Variants in ZNF607 observed in about 807,000 individuals in gnomAD.
ZNF607 encodes zinc finger protein 607.
In ZNF607, 5 loss-of-function variants were observed where a neutral mutation model predicts 12.8. The ratio of observed to expected loss-of-function variants is 0.39; its 90% CI spans 0.20 to 0.82. ZNF607 has a LOEUF of 0.82. Ranked by LOEUF, ZNF607 falls within the 40% of genes least tolerant of loss-of-function variation. ZNF607 has a pLI of 0.39. For missense variants in ZNF607, 851 were observed against 859.2 expected (o/e 0.99, Z 0.12); for synonymous variants, 287 against 276.2 (o/e 1.04, Z -0.39).
chr19:37,697,280 T>G lies in ZNF607; in HGVS notation c.*760A>C. Reference sequence around the variant, plus strand: ...CCACAATGTTCTGTACTCCACGGAATTGGTCAAAGATGGCAGCTCTGTGCC... The same window carrying G: ...CCACAATGTTCTGTACTCCACGGAAGTGGTCAAAGATGGCAGCTCTGTGCC... On this transcript the variant is annotated 3_prime_UTR_variant, in exon 5 of 5. Coordinates refer to ENST00000355202, the MANE Select transcript of ZNF607 (RefSeq NM_032689.5). 2.4e-6 allele frequency: 2 copies of G among 835,844 alleles called. No homozygotes were observed. The highest frequency in any genetic ancestry group is 4.2e-6 in the Non-Finnish European group (2 of 478,586). 51.8% of individuals were successfully genotyped at this position (835,844 alleles called of 1,614,324 possible). A position where few individuals can be genotyped will look rare whatever the true frequency, so the allele number is the denominator to read the frequency against.
At position 37,698,215 on chromosome 19, in the gene ZNF607, T is replaced by A; in HGVS notation, c.1916A>T (p.His639Leu). 6.2e-7 allele frequency: 1 copy of A among 1,614,182 alleles called. No individual in the cohort carries two copies. The highest frequency in any genetic ancestry group is 8.5e-7 in the Non-Finnish European group (1 of 1,180,036). The change falls in exon 5 of 5, where the codon CAT becomes CTT. Residue 639 changes from histidine (H) to leucine (L), a missense_variant. Coordinates refer to ENST00000355202, the MANE Select transcript of ZNF607 (RefSeq NM_032689.5). ...ACACATATAGGGATTTCCATCAGCA[T>A]GAACGCTTTCATGTCTAACAAGATA... ...ASYLVRHESV[H>L]ADGNPYMCEE...
At chr19:37,713,176 C>CAT (rs1216465001) in intron 1 of ZNF607, among the ~76,000 whole-genome samples, 12 of 151,898 alleles carry the variant, frequency 7.9e-5, no homozygotes, top group Admixed American at 5.3e-4. Context: ...CCCATAGACT[C>CAT]AGTGTAATTT....
chr19:37,713,222 G>T (rs79723810), intron 1 of ZNF607, among the ~76,000 whole-genome samples: 2,846 of 152,032 alleles, frequency 0.019, 46 homozygotes, highest in South Asian at 0.077. Flanking sequence ...TCAGACTGAT[G>T]TCTCTGTTAC....
chr19:37,717,982 C>G (rs554394416), intron 1 of ZNF607, among the ~76,000 whole-genome samples: 3 of 152,156 alleles, frequency 2.0e-5, no homozygotes, highest in East Asian at 3.9e-4. Context: ...ATCCCTTGGA[C>G]GCTGTATAAT....
At position 37,699,832 on chromosome 19, in the gene ZNF607, CAT is replaced by C. The variant is rs777213547; in HGVS notation, c.297_298del (p.Val101TyrfsTer8). Reference sequence around the variant, plus strand: ...ATGAATTCTCTGATGGAGAGTAACACATGAGTGTTTCCTATAAAGCTGCATTT... The same window carrying C: ...ATGAATTCTCTGATGGAGAGTAACACGAGTGTTTCCTATAAAGCTGCATTT... On this transcript the variant is annotated frameshift_variant, in exon 5 of 5. Coordinates refer to ENST00000355202, the MANE Select transcript of ZNF607 (RefSeq NM_032689.5). LOFTEE classifies it low-confidence loss of function (END_TRUNC). 1.8e-5 allele frequency: 29 copies of C among 1,612,942 alleles called. No individual in the cohort carries two copies. The highest frequency in any genetic ancestry group is 1.7e-4 in the South Asian group (15 of 90,752).
Position 37,699,651 on chromosome 19 carries a change from A to G in ZNF607, c.480T>C (p.His160=), listed in dbSNP as rs1467150858. Residue 160 remains histidine (H), a synonymous_variant, in exon 5 of 5, where the codon CAT becomes CAC. Coordinates refer to ENST00000355202, the MANE Select transcript of ZNF607 (RefSeq NM_032689.5). ...GTTTCTCACGAGCATTAATTTTCTGATGCTTTCTAAGGTCTGTAAGATGGC... is the reference window on the plus strand; with the variant it reads ...GTTTCTCACGAGCATTAATTTTCTGGTGCTTTCTAAGGTCTGTAAGATGGC... ...AFSHLTDLRK[H]QKINAREKPY... 5.0e-6 allele frequency: 8 copies of G among 1,613,900 alleles called. No homozygotes were observed. Among genetic ancestry groups the G allele is most frequent in the African/African-American group, 1.3e-5 (1 of 74,900 alleles).
intron 4 of ZNF607, among the ~76,000 whole-genome samples, chr19:37,700,116 G>C (rs2045026974): frequency 6.6e-6 from 1 of 152,124 alleles, no homozygotes; most frequent in African/African-American, 2.4e-5. Flanking sequence ...ACAGAGCCCT[G>C]TTTTGTAGTG....
Position 37,698,026 on chromosome 19 carries a change from C to T in ZNF607, c.*14G>A, listed in dbSNP as rs2044991587. On this transcript the variant is annotated 3_prime_UTR_variant, in exon 5 of 5. Transcript: ENST00000355202. ...GTGCTTTCTTTACTACCTGTATATGCCACAATTTCTCTATCAAATATGAAT... is the reference window on the plus strand; with the variant it reads ...GTGCTTTCTTTACTACCTGTATATGTCACAATTTCTCTATCAAATATGAAT... The T allele has an allele frequency of 6.4e-7, 1 of 1,565,486 alleles. No homozygotes were observed. The highest frequency in any genetic ancestry group is 1.2e-5 in the South Asian group (1 of 81,740).
chr19:37,702,841 G>A (rs1276015081), intron 4 of ZNF607, among the ~76,000 whole-genome samples: 1 of 152,060 alleles, frequency 6.6e-6, no homozygotes. Flanking sequence ...TATCTAGCTG[G>A]CGAAACGTCA....
At chr19:37,714,475 G>A (rs1222768256) in intron 1 of ZNF607, among the ~76,000 whole-genome samples, 1 of 149,294 alleles carries the variant, frequency 6.7e-6, no homozygotes, top group Non-Finnish European at 1.5e-5. Context: ...TGAGGCACCA[G>A]ATTCGCTTGA....
chr19:37,697,719 G>A lies in ZNF607; in HGVS notation c.*321C>T, dbSNP rs1253871592. 5 of 305,076 alleles carry A rather than the reference G, an allele frequency of 1.6e-5. No individual in the cohort carries two copies. The highest frequency in any genetic ancestry group is 3.0e-5 in the Non-Finnish European group (5 of 165,728). 18.9% of individuals were successfully genotyped at this position (305,076 alleles called of 1,614,324 possible). On this transcript the variant is annotated 3_prime_UTR_variant, in exon 5 of 5. Transcript: ENST00000355202. ...ATGTTTACATGCAAGTATAAAGAAT[G>A]GTTTCCTACGTTTTCTCAGTTTTCC...
intron 4 of ZNF607, among the ~76,000 whole-genome samples, chr19:37,703,099 T>A (rs1393279385): frequency 1.3e-5 from 2 of 151,710 alleles, no homozygotes; most frequent in African/African-American, 4.8e-5. Context: ...ATTACAGGAA[T>A]GCATCACCAT....
rs773806535 is a variant in ZNF607 at position 37,698,116 on chromosome 19, G to A, written c.2015C>T (p.Pro672Leu). The A allele has an allele frequency of 8.7e-6, 14 of 1,613,808 alleles. No homozygotes were observed. The highest frequency in any genetic ancestry group is 1.1e-5 in the Non-Finnish European group (13 of 1,179,968). The change falls in exon 5 of 5, where the codon CCC becomes CTC. Residue 672 changes from proline to leucine, a missense_variant. By Grantham distance (98) the Pro-to-Leu change is moderately conservative. Transcript: ENST00000355202. ...CCTTCTGCATTTGTTACATTTAAAG[G>A]GTTTCTCACCAGTATGAACTCTATG... is the stretch of plus-strand genomic sequence containing the variant. ...IHHRVHTGEK[P>L]FKCNKCRRSF...
intron 1 of ZNF607, among the ~76,000 whole-genome samples, chr19:37,716,559 C>G (rs1345393962): frequency 6.6e-6 from 1 of 152,162 alleles, no homozygotes; most frequent in Non-Finnish European, 1.5e-5. Context: ...CTTTTTCTAA[C>G]TAAAAGTAGG....
Position 37,699,135 on chromosome 19 carries a change from T to C in ZNF607, c.996A>G (p.Ser332=). Residue 332 remains serine (S), a synonymous_variant, in exon 5 of 5, where the codon TCA becomes TCG. Coordinates refer to ENST00000355202, the MANE Select transcript of ZNF607 (RefSeq NM_032689.5). ...YQLTMHQRIY[S]GEKHYECKEN... is the part of the protein sequence containing the mutation. ...CTTTACATTCATAGTGTTTCTCCCC[T>C]GAATAAATTCTCTGATGCATGGTAA... The C allele has an allele frequency of 6.2e-7, 1 of 1,614,168 alleles. No individual in the cohort carries two copies. The highest frequency in any genetic ancestry group is 1.1e-5 in the South Asian group (1 of 91,080).
At chr19:37,709,858 C>A (rs1250081593) in intron 2 of ZNF607, 36 bp from the exon 3 acceptor site, 1 of 1,602,638 alleles carries the variant, frequency 6.2e-7, no homozygotes, top group Non-Finnish European at 8.5e-7. Context: ...TGGGGAAATT[C>A]CAAAATGGAG....
Position 37,699,751 on chromosome 19 carries a change from G to A in ZNF607, c.380C>T (p.Thr127Ile), listed in dbSNP as rs921645200. ...KQCQKSFSHL[T>I]ELMVHQTIHT... ...AATTGTTTGATGTACCATGAGTTCT[G>A]TAAGATGACTAAAGGACTTCTGACA... The change falls in exon 5 of 5, where the codon ACA (threonine) becomes ATA (isoleucine). Residue 127 changes from threonine (T) to isoleucine (I), a missense_variant. Thr to Ile is a moderately conservative substitution (Grantham distance 89, BLOSUM62 -1). Transcript: ENST00000355202. 1.2e-6 allele frequency: 2 copies of A among 1,614,042 alleles called. No individual in the cohort carries two copies. The highest frequency in any genetic ancestry group is 2.7e-5 in the African/African-American group (2 of 75,010).
At chr19:37,711,495 AT>A in intron 2 of ZNF607, 114 bp downstream of exon 2, 1 of 1,050,928 alleles carries the variant, frequency 9.5e-7, no homozygotes, top group South Asian at 1.3e-5. Flanking sequence ...AGAACTGGAG[AT>A]TAGGTTAACT....
intron 4 of ZNF607, among the ~76,000 whole-genome samples, chr19:37,703,932 C>A (rs1473360363): frequency 6.6e-6 from 1 of 152,004 alleles, no homozygotes; most frequent in Non-Finnish European, 1.5e-5. Context: ...GTCAGGAGAT[C>A]GAGACTAGCC....
Sources: gnomAD v4.1 joint callset for allele counts (sites outside exome capture counted in the v4.1 genomes callset) on GRCh38, gnomAD v4.1.1 for gene constraint, MANE v1.5 for transcripts, NCBI Gene and HGNC (gene_info 2026-07-23, HGNC 2026-07-21) for gene names.